LOC400499: variants seen among roughly 807,000 people sequenced by gnomAD.
the LOC400499 span, chr16:11,465,545 G>C: frequency 6.6e-6 from 1 of 151,864 alleles, no homozygotes; most frequent in African/African-American, 2.4e-5. Context: ...AAGAACCCTA[G>C]AAAAGCACCT....
chr16:11,397,781 G>T, the LOC400499 span, among the ~76,000 whole-genome samples: 2,741 of 109,238 alleles, frequency 0.025, 119 homozygotes, highest in Middle Eastern at 0.084. Context: ...GATGGAGGGA[G>T]GGAGGGAGGG....
the LOC400499 span, among the ~76,000 whole-genome samples, chr16:11,458,890 A>G: frequency 6.6e-6 from 1 of 151,716 alleles, no homozygotes; most frequent in African/African-American, 2.4e-5. Flanking sequence ...CAAAAAAATT[A>G]GCCAGACGTG....
At chr16:11,450,761 G>C in the LOC400499 span, 1 of 1,536,078 alleles carries the variant, frequency 6.5e-7, no homozygotes, top group East Asian at 2.4e-5. Flanking sequence ...GCTCGGTGTG[G>C]CCAGTATAGC....
the LOC400499 span, chr16:11,478,592 T>C: frequency 2.5e-6 from 1 of 399,070 alleles, no homozygotes; most frequent in Non-Finnish European, 4.4e-6. Context: ...TGACTCCCCG[T>C]GGCCCCGCAG....
chr16:11,500,319 C>T, the LOC400499 span, among the ~76,000 whole-genome samples: 3 of 152,066 alleles, frequency 2.0e-5, no homozygotes, highest in South Asian at 6.2e-4. Context: ...ACCAGCCTGG[C>T]CAACATGGCG....
chr16:11,432,572 G>A, the LOC400499 span, among the ~76,000 whole-genome samples: 2 of 152,174 alleles, frequency 1.3e-5, no homozygotes, highest in Non-Finnish European at 1.5e-5. Flanking sequence ...CTACTCCAGG[G>A]TCATAATGAG....
the LOC400499 span, among the ~76,000 whole-genome samples, chr16:11,422,285 C>G: frequency 6.6e-6 from 1 of 152,058 alleles, no homozygotes; most frequent in South Asian, 2.1e-4. Context: ...ACCTGTAATC[C>G]CACCTACCTG....
At chr16:11,391,722 G>A in the LOC400499 span, 2 of 1,232,250 alleles carry the variant, frequency 1.6e-6, no homozygotes, top group Non-Finnish European at 2.0e-6. Flanking sequence ...CAGGTAAAGA[G>A]GCAGGTGCTG....
the LOC400499 span, among the ~76,000 whole-genome samples, chr16:11,521,436 A>G: frequency 2.0e-5 from 3 of 152,224 alleles, no homozygotes; most frequent in Non-Finnish European, 2.9e-5. Context: ...GGCCTAGCTC[A>G]TAATTCTGCC....
chr16:11,438,607 CAAAAAAAAAAAAAAA>C, the LOC400499 span, among the ~76,000 whole-genome samples: 1 of 59,850 alleles, frequency 1.7e-5, no homozygotes, highest in Non-Finnish European at 3.0e-5. Context: ...CCTGTCTCTG[CAAAAAAAAAAAAAAA>C]AAAAAAAAGT....
At chr16:11,391,565 T>C in the LOC400499 span, 5 of 1,038,312 alleles carry the variant, frequency 4.8e-6, no homozygotes, top group Middle Eastern at 3.5e-4. Context: ...ACATTTCTGA[T>C]TGAAACAGTG....
the LOC400499 span, among the ~76,000 whole-genome samples, chr16:11,429,940 C>T: frequency 1.3e-5 from 2 of 152,294 alleles, no homozygotes; most frequent in African/African-American, 4.8e-5. Flanking sequence ...TATCTCACCC[C>T]AGTTACTTAT....
the LOC400499 span, among the ~76,000 whole-genome samples, chr16:11,403,358 G>A: frequency 6.6e-6 from 1 of 152,200 alleles, no homozygotes; most frequent in South Asian, 2.1e-4. Context: ...CTGCAACACT[G>A]TCAACACCGT....
chr16:11,404,975 T>A, the LOC400499 span: 1 of 397,604 alleles, frequency 2.5e-6, no homozygotes, highest in Non-Finnish European at 4.4e-6. Context: ...GTGGATCATT[T>A]ACAGTTTCCT....
At chr16:11,494,519 G>A in the LOC400499 span, 1 of 376,572 alleles carries the variant, frequency 2.7e-6, no homozygotes, top group Non-Finnish European at 4.7e-6. Flanking sequence ...TGCCTGATTC[G>A]CTTCGGCCCC....
At chr16:11,404,995 C>A in the LOC400499 span, 1 of 396,640 alleles carries the variant, frequency 2.5e-6, no homozygotes, top group East Asian at 3.6e-5. Context: ...TGAATGGTGA[C>A]ATATGTCAGG....
the LOC400499 span, among the ~76,000 whole-genome samples, chr16:11,389,257 G>T: frequency 4.6e-5 from 7 of 152,210 alleles, no homozygotes; most frequent in African/African-American, 1.7e-4. Context: ...CCATCTCACC[G>T]ATGTTCCTTC....
chr16:11,409,437 T>A, the LOC400499 span, among the ~76,000 whole-genome samples: 1,691 of 152,294 alleles, frequency 0.011, 12 homozygotes, highest in Non-Finnish European at 0.018. Flanking sequence ...ACATATCGTC[T>A]ATAGCTGCTT....
chr16:11,373,712 C>T, the LOC400499 span, among the ~76,000 whole-genome samples: 1,860 of 151,766 alleles, frequency 0.012, 38 homozygotes, highest in African/African-American at 0.042. Context: ...CTCTACCTCC[C>T]GGGTTCAAGT....
Sources: allele counts gnomAD v4.1 joint callset (sites outside exome capture counted in the v4.1 genomes callset), GRCh38; gene constraint gnomAD v4.1.1; transcripts MANE v1.5.